COBLL1: variants seen among roughly 807,000 people sequenced by gnomAD.
COBLL1 encodes cordon-bleu WH2 repeat protein like 1.
In COBLL1, 50 loss-of-function variants were observed where a neutral mutation model predicts 94.8. That is an observed-to-expected ratio of 0.53 (90% CI 0.42 to 0.67). The LOEUF (loss-of-function observed/expected upper bound fraction) is 0.67. Among genes scored for constraint, COBLL1 ranks in the 30% least tolerant of loss-of-function variants. COBLL1 has a pLI of 0.00. For missense variants in COBLL1, 1,362 were observed against 1,348.7 expected (o/e 1.01, Z -0.15); for synonymous variants, 448 against 473.8 (o/e 0.95, Z 0.71).
chr2:164,723,141 G>A (rs1297343627), intron 5 of COBLL1: 1 of 152,170 alleles, frequency 6.6e-6, no homozygotes, highest in Non-Finnish European at 1.5e-5. Context: ...TGCATTTACT[G>A]GGTAGAGGCC....
chr2:164,818,930 C>T (rs906707822), intron 2 of COBLL1, among the ~76,000 whole-genome samples: 1 of 151,460 alleles, frequency 6.6e-6, no homozygotes, highest in African/African-American at 2.4e-5. Flanking sequence ...CCACCAAGCC[C>T]GGCTTTTTTT....
chr2:164,681,334 C>G lies in COBLL1; in HGVS notation c.*4612G>C, dbSNP rs573886670. On this transcript the variant is annotated 3_prime_UTR_variant, in exon 14 of 14. Transcript: ENST00000652658. ...CTCTCATCCTTTTCTTAGGACCATT[C>G]AGCTGTTTCAGAGATGTCTTTCTCA... The G allele has an allele frequency of 1.3e-5, 2 of 152,218 alleles. No homozygotes were observed. Among genetic ancestry groups the G allele is most frequent in the African/African-American group, 4.8e-5 (2 of 41,528 alleles). The allele number at this position is 152,218 out of a possible 1,614,324, so 9.4% of individuals were successfully genotyped here. A position where few individuals can be genotyped will look rare whatever the true frequency, so the allele number is the denominator to read the frequency against.
In COBLL1 at chr2:164,761,808, A is replaced by G. The variant is rs531416425; in HGVS notation, c.42-17933T>C. Among the ~76,000 whole-genome samples the G allele has an allele frequency of 2.0e-5, 3 of 152,306 alleles. No individual in the cohort carries two copies. The East Asian group carries it at 5.8e-4, about 29-fold the overall frequency. The stretch of plus-strand genomic sequence containing the variant: ...AAGAAGTTTCCAAATCTTCACTCAA[A>G]TTCTCTCCTAACAGGATGTCCACAG... On this transcript the variant is annotated intron_variant, in intron 2 of 13. Coordinates refer to ENST00000652658, the MANE Select transcript of COBLL1 (RefSeq NM_001365672.2).
rs143856011 is a variant in COBLL1, at chr2:164,669,326, T to C, written n.127-3425A>G. Among the ~76,000 whole-genome samples, 919 of 152,352 alleles carry C rather than the reference T, an allele frequency of 6.0e-3. 4 individuals carry two copies. Among genetic ancestry groups the C allele is most frequent in the African/African-American group, 0.021 (870 of 41,588 alleles). On this transcript the variant is annotated intron_variant and non_coding_transcript_variant, in intron 1 of 2. Coordinates refer to the COBLL1 transcript ENST00000495084. ...ATATAAAAAAACACATTCTGATTGC[T>C]TCTCAGCCTTTTGGATGAGATCAAG...
At chr2:164,763,567 C>T (rs1294727241) in intron 2 of COBLL1, among the ~76,000 whole-genome samples, 1 of 152,048 alleles carries the variant, frequency 6.6e-6, no homozygotes, top group African/African-American at 2.4e-5. Context: ...AGACTAGAAA[C>T]AAACCAAATA....
chr2:164,658,684 A>G (rs1360901169), intron 2 of COBLL1, among the ~76,000 whole-genome samples: 1 of 152,168 alleles, frequency 6.6e-6, no homozygotes, highest in Admixed American at 6.6e-5. Flanking sequence ...CCTAAGTGAA[A>G]GATTTGGTGA....
At chr2:164,766,102 G>A (rs751133552) in intron 2 of COBLL1, among the ~76,000 whole-genome samples, 6 of 152,084 alleles carry the variant, frequency 3.9e-5, no homozygotes, top group Admixed American at 3.3e-4. Context: ...AGGTTCACCC[G>A]TGTTGTAGCA....
At chr2:164,740,171 T>C (rs997296700) in intron 3 of COBLL1, among the ~76,000 whole-genome samples, 4 of 152,146 alleles carry the variant, frequency 2.6e-5, no homozygotes, top group Admixed American at 6.5e-5. Context: ...ATATACATGC[T>C]GGGCAACATG....
intron 2 of COBLL1, among the ~76,000 whole-genome samples, chr2:164,783,254 G>GA (rs796489648): frequency 3.3e-5 from 5 of 151,240 alleles, no homozygotes; most frequent in East Asian, 1.9e-4. Context: ...ATAAATATTA[G>GA]AAAAAAAAAT....
At chr2:164,794,631 A>T (rs1291141061) in intron 2 of COBLL1, among the ~76,000 whole-genome samples, 2 of 152,174 alleles carry the variant, frequency 1.3e-5, no homozygotes, top group Non-Finnish European at 2.9e-5. Flanking sequence ...TTGTTCAGTC[A>T]AGTGCACACT....
At chr2:164,836,323 C>T (rs1401276476) in intron 2 of COBLL1, among the ~76,000 whole-genome samples, 2 of 151,992 alleles carry the variant, frequency 1.3e-5, no homozygotes, top group East Asian at 3.9e-4. Context: ...TAATTAATCT[C>T]CTTTTAAATG....
In COBLL1 at chr2:164,841,616, C is replaced by T. The variant is rs954850603; in HGVS notation, c.-51+94G>A. On this transcript the variant is annotated intron_variant, in intron 1 of 13. Coordinates refer to ENST00000652658, the MANE Select transcript of COBLL1 (RefSeq NM_001365672.2). This position sits in a 1 kb window ranked among gnomAD's most constrained non-coding sequence, Gnocchi z 5.5. ...CCGGCAGCGCACTCCCAGGCTCCTC[C>T]GGCCGAGTTTGCACAAACAAAACGC... 4.9e-5 allele frequency: 18 copies of T among 366,758 alleles called. No homozygotes were observed. Among genetic ancestry groups the T allele is most frequent in the Admixed American group, 3.1e-4 (6 of 19,530 alleles). The allele number at this position is 366,758 out of a possible 1,614,324, so 22.7% of individuals were successfully genotyped here. A position where few individuals can be genotyped will look rare whatever the true frequency, so the allele number is the denominator to read the frequency against.
intron 7 of COBLL1, chr2:164,718,352 AC>A: frequency 2.2e-6 from 1 of 463,870 alleles, no homozygotes; most frequent in Non-Finnish European, 2.8e-6. Context: ...GTCATGTTAT[AC>A]CCATCAATTT....
chr2:164,700,916 G>A (rs893124473), intron 9 of COBLL1, among the ~76,000 whole-genome samples, 160 bp from the exon 10 acceptor site: 12 of 152,112 alleles, frequency 7.9e-5, no homozygotes, highest in African/African-American at 2.2e-4. Flanking sequence ...GAGCAGTCAC[G>A]TTAACATAAA....
At chr2:164,667,634 T>G (rs1691182739) in intron 1 of COBLL1, among the ~76,000 whole-genome samples, 2 of 152,204 alleles carry the variant, frequency 1.3e-5, no homozygotes, top group Admixed American at 6.5e-5. Flanking sequence ...AGAGACAGCT[T>G]CTTTTGTTAA....
chr2:164,822,842 C>G (rs1374986042), intron 2 of COBLL1, among the ~76,000 whole-genome samples: 2 of 151,052 alleles, frequency 1.3e-5, no homozygotes, highest in African/African-American at 4.9e-5. Context: ...AATCTCAGCT[C>G]ACTTGCAACC....
At chr2:164,769,944 T>C (rs774272981) in intron 2 of COBLL1, among the ~76,000 whole-genome samples, 7 of 152,208 alleles carry the variant, frequency 4.6e-5, no homozygotes, top group Non-Finnish European at 1.0e-4. Context: ...TCTCCCTTTC[T>C]CTTTAGGTGT....
chr2:164,810,605 T>C (rs781476204), intron 2 of COBLL1, among the ~76,000 whole-genome samples: 2 of 151,702 alleles, frequency 1.3e-5, no homozygotes, highest in Non-Finnish European at 3.0e-5. Context: ...TTGTTATACA[T>C]GTCATGAACA....
chr2:164,738,014 T>C (rs1686403316), intron 3 of COBLL1, among the ~76,000 whole-genome samples: 1 of 152,214 alleles, frequency 6.6e-6, no homozygotes, highest in Non-Finnish European at 1.5e-5. Context: ...TAGAACAAAC[T>C]GTAACTTCTA....
Sources: gnomAD v4.1 joint callset for allele counts (sites outside exome capture counted in the v4.1 genomes callset) on GRCh38, gnomAD v4.1.1 for gene constraint, Gnocchi (gnomAD v3.1) non-coding constraint, MANE v1.5 for transcripts, NCBI Gene and HGNC (gene_info 2026-07-23, HGNC 2026-07-21) for gene names.